The following MACROD2 variants were observed in gnomAD, a reference collection of about 807,000 sequenced individuals.
MACROD2 encodes mono-ADP ribosylhydrolase 2.
In MACROD2, 36 loss-of-function variants were observed where a neutral mutation model predicts 70.4. The observed-to-expected ratio is 0.51, with a 90% CI of 0.39 to 0.68. The LOEUF (loss-of-function observed/expected upper bound fraction) is 0.68. Ranked by LOEUF, MACROD2 falls within the 30% of genes least tolerant of loss-of-function variation. The pLI is 0.00. For synonymous variants in MACROD2, 172 were observed against 178.8 expected (o/e 0.96, Z 0.30); for missense variants, 496 against 538.4 (o/e 0.92, Z 0.78).
intron 8 of MACROD2, among the ~76,000 whole-genome samples, chr20:15,525,841 A>G (rs2047714165): frequency 6.6e-6 from 1 of 152,200 alleles, no homozygotes; most frequent in Non-Finnish European, 1.5e-5. Flanking sequence ...TGATCCAGAC[A>G]GCTGGATACT....
intron 3 of MACROD2, among the ~76,000 whole-genome samples, chr20:14,115,204 A>G (rs563207480): frequency 6.6e-6 from 1 of 152,306 alleles, no homozygotes; most frequent in East Asian, 1.9e-4. Context: ...ACAGTGGATC[A>G]ATTCGGGGTT....
chr20:15,519,628 T>C (rs1390581333), intron 8 of MACROD2, among the ~76,000 whole-genome samples: 2 of 152,224 alleles, frequency 1.3e-5, no homozygotes, highest in Non-Finnish European at 2.9e-5. Context: ...ATAAGCCGTA[T>C]ATTTAAATTA....
intron 3 of MACROD2, among the ~76,000 whole-genome samples, chr20:14,246,757 A>G (rs901237231): frequency 3.3e-5 from 5 of 152,222 alleles, no homozygotes; most frequent in Non-Finnish European, 7.3e-5. Flanking sequence ...CCTTTTTAAA[A>G]TATAACAAAC....
intron 3 of MACROD2, among the ~76,000 whole-genome samples, chr20:14,457,027 G>C (rs767656017): frequency 2.0e-5 from 3 of 151,866 alleles, no homozygotes; most frequent in African/African-American, 4.8e-5. Context: ...TCCCTAATAC[G>C]CCTCTACTTT....
chr20:14,956,935 C>T (rs577643081), intron 5 of MACROD2, among the ~76,000 whole-genome samples: 1 of 152,190 alleles, frequency 6.6e-6, no homozygotes, highest in East Asian at 1.9e-4. Context: ...GGTCACATGC[C>T]ACCTTCAAGA....
intron 5 of MACROD2, among the ~76,000 whole-genome samples, chr20:14,783,586 A>G (rs899404485): frequency 2.0e-5 from 3 of 152,138 alleles, no homozygotes; most frequent in African/African-American, 7.2e-5. Context: ...TCCATGTATT[A>G]TAACACTGAA....
intron 8 of MACROD2, among the ~76,000 whole-genome samples, chr20:15,541,498 T>C (rs2047955150): frequency 6.6e-6 from 1 of 152,176 alleles, no homozygotes; most frequent in South Asian, 2.1e-4. Flanking sequence ...TTAATAGAGC[T>C]GGGTCTTTGA....
chr20:15,159,710 G>T (rs568373328), intron 5 of MACROD2, among the ~76,000 whole-genome samples: 2 of 151,894 alleles, frequency 1.3e-5, no homozygotes, highest in African/African-American at 2.4e-5. Flanking sequence ...TATCCTAAGG[G>T]AGTTTATAAT....
chr20:14,439,456 A>C (rs2122953121), intron 3 of MACROD2, among the ~76,000 whole-genome samples: 1 of 152,188 alleles, frequency 6.6e-6, no homozygotes, highest in South Asian at 2.1e-4. Context: ...TGAAAAATGG[A>C]GTTTTTAGTC....
intron 8 of MACROD2, among the ~76,000 whole-genome samples, chr20:15,505,602 C>T (rs1275496004): frequency 2.0e-5 from 3 of 152,158 alleles, no homozygotes; most frequent in Non-Finnish European, 2.9e-5. Context: ...TGCACTACTC[C>T]AAGGGAATTC....
At chr20:15,285,941 A>C (rs904674511) in intron 6 of MACROD2, among the ~76,000 whole-genome samples, 20 of 152,152 alleles carry the variant, frequency 1.3e-4, no homozygotes, top group Admixed American at 1.3e-4. Flanking sequence ...TTAATCAAAA[A>C]GTATCATAAA....
At chr20:15,877,622 G>T (rs998389345) in intron 9 of MACROD2, among the ~76,000 whole-genome samples, 2 of 152,112 alleles carry the variant, frequency 1.3e-5, no homozygotes, top group African/African-American at 4.8e-5. Flanking sequence ...TGAAGTTTCT[G>T]CTTTGTCAAG....
In MACROD2 at chr20:14,825,481, C is replaced by T. The variant is rs1232228318; in HGVS notation, c.418+140522C>T. Reference sequence around the variant, plus strand: ...TTCTAATGCTTTCTATTAGGCGTATCCACATATCAAAGCTTTTACTGGAAC... The same window carrying T: ...TTCTAATGCTTTCTATTAGGCGTATTCACATATCAAAGCTTTTACTGGAAC... On this transcript the variant is annotated intron_variant, in intron 5 of 17. Transcript: ENST00000684519. Among the ~76,000 whole-genome samples, 6 of 152,024 alleles carry T rather than the reference C, an allele frequency of 3.9e-5. 1 individual carries two copies. Among genetic ancestry groups the T allele is most frequent in the Non-Finnish European group, 8.8e-5 (6 of 67,998 alleles).
intron 3 of MACROD2, among the ~76,000 whole-genome samples, chr20:14,403,687 A>T (rs577572373): frequency 6.6e-6 from 1 of 152,294 alleles, no homozygotes; most frequent in African/African-American, 2.4e-5. Context: ...TCTGGAGCCA[A>T]ATACCTGGGT....
intron 5 of MACROD2, among the ~76,000 whole-genome samples, chr20:14,890,975 CT>C (rs1339756025): frequency 1.7e-3 from 229 of 138,620 alleles, no homozygotes; most frequent in African/African-American, 6.1e-3. Flanking sequence ...TCCTTCCTTC[CT>C]TCCTTCCTTC....
At chr20:15,925,870 C>A (rs1427855873) in intron 10 of MACROD2, among the ~76,000 whole-genome samples, 3 of 152,222 alleles carry the variant, frequency 2.0e-5, no homozygotes, top group Non-Finnish European at 4.4e-5. Flanking sequence ...ACACGATTGT[C>A]TTGTCTGTCC....
chr20:15,019,180 G>T (rs1409967142), intron 5 of MACROD2, among the ~76,000 whole-genome samples: 1 of 151,628 alleles, frequency 6.6e-6, no homozygotes, highest in Non-Finnish European at 1.5e-5. Flanking sequence ...CGCGCGCGCG[G>T]AGAGAGTTTT....
At chr20:15,490,976 G>A (rs571807462) in intron 7 of MACROD2, among the ~76,000 whole-genome samples, 3 of 152,146 alleles carry the variant, frequency 2.0e-5, no homozygotes, top group Non-Finnish European at 4.4e-5. Flanking sequence ...CATTTACAGA[G>A]CAACTCATCT....
chr20:14,044,424 C>T (rs558056299), intron 2 of MACROD2, among the ~76,000 whole-genome samples: 12 of 152,224 alleles, frequency 7.9e-5, no homozygotes, highest in Middle Eastern at 3.4e-3. Flanking sequence ...GGGACCTGAG[C>T]GGGTTGCCAC....
Sources: gnomAD v4.1 joint callset for allele counts (sites outside exome capture counted in the v4.1 genomes callset) on GRCh38, gnomAD v4.1.1 for gene constraint, MANE v1.5 for transcripts, NCBI Gene and HGNC (gene_info 2026-07-23, HGNC 2026-07-21) for gene names.